Variants in MCAT observed in about 807,000 individuals in gnomAD.
MCAT encodes malonyl-CoA-acyl carrier protein transacylase, mitochondrial.
In MCAT, 22 loss-of-function variants were observed where a neutral mutation model predicts 22.9. The ratio of observed to expected loss-of-function variants is 0.96; its 90% confidence interval spans 0.69 to 1.37. The LOEUF is 1.37. Ranked by LOEUF, MCAT falls within the 40% of genes most tolerant of loss-of-function variation. The pLI is 0.00. For synonymous variants in MCAT, 240 were observed against 233.9 expected, an observed-to-expected ratio of 1.03 and a Z score of -0.24; for missense variants, 534 against 533.6, an observed-to-expected ratio of 1.00 and a Z score of -0.01.
Position 43,137,222 on chromosome 22 carries a change from G to A in MCAT, c.588C>T (p.Val196=), listed in dbSNP as rs1266730174. 6.2e-7 allele frequency: 1 copy of A among 1,614,216 alleles called. No homozygotes were observed. The highest frequency in any genetic ancestry group is 1.1e-5 in the South Asian group (1 of 91,086). ...SEAVPSGMLS[V]LGQPQSKFNF... is the part of the protein sequence containing the mutation. ...TGAACTTGGACTGAGGCTGGCCGAGGACAGACAGCATCCCACTGGGGACAG... is the reference window on the plus strand; with the variant it reads ...TGAACTTGGACTGAGGCTGGCCGAGAACAGACAGCATCCCACTGGGGACAG... Residue 196 remains valine, a synonymous_variant, in exon 3 of 4, where the codon GTC becomes GTT. Transcript: ENST00000290429.
In MCAT at chr22:43,138,395, T is replaced by C. The variant is rs1171039918; in HGVS notation, c.512-1097A>G. Among the ~76,000 whole-genome samples, 5 of 152,144 alleles carry C rather than the reference T, an allele frequency of 3.3e-5. No individual in the cohort carries two copies. The East Asian group carries it at 9.6e-4, about 29-fold the overall frequency. On this transcript the variant is annotated intron_variant, in intron 2 of 3. Coordinates refer to ENST00000290429, the MANE Select transcript of MCAT (RefSeq NM_173467.5). ...CGAAAACCTATGACTCCTGATTCAG[T>C]GTGGCTCAAGAGCATGGAGAGAGGG...
In MCAT at chr22:43,132,827, A is replaced by G; in HGVS notation, c.*216T>C. 1.8e-6 allele frequency: 1 copy of G among 567,986 alleles called. No homozygotes were observed. The highest frequency in any genetic ancestry group is 3.1e-6 in the Non-Finnish European group (1 of 318,020). 35.2% of individuals were successfully genotyped at this position (567,986 alleles called of 1,614,324 possible). The stretch of plus-strand genomic sequence containing the variant: ...CCAGCCCTGTGGCATCATTCTTCCC[A>G]ACGTCCAAACGTTTTTCCAAGGGGG... On this transcript the variant is annotated 3_prime_UTR_variant, in exon 4 of 4. Transcript: ENST00000290429.
In MCAT at chr22:43,133,305, T is replaced by C. The variant is rs976722975; in HGVS notation, c.911A>G (p.His304Arg). The C allele has an allele frequency of 6.2e-7, 1 of 1,614,234 alleles. No individual in the cohort carries two copies. The highest frequency in any genetic ancestry group is 8.5e-7 in the Non-Finnish European group (1 of 1,180,036). Residue 304 changes from histidine to arginine, a missense_variant, in exon 4 of 4, where the codon CAT (histidine) becomes CGT (arginine). His to Arg is a conservative substitution (Grantham distance 29, BLOSUM62 0). Transcript: ENST00000290429. ...GATGTGCCCGGGATGCCTGTATCTA[T>C]GCGCGTGGACGTTGGAGTAGACAGA... is the stretch of plus-strand genomic sequence containing the variant. ...LVSVYSNVHA[H>R]RYRHPGHIHK...
At chr22:43,142,774 CA>C (rs151166687) in intron 1 of MCAT, 151 bp downstream of exon 1, 899 of 679,976 alleles carry the variant, frequency 1.3e-3, no homozygotes, top group African/African-American at 3.8e-3. Flanking sequence ...GACTCCGTCT[CA>C]AAAAAAAAAA....
intron 2 of MCAT, among the ~76,000 whole-genome samples, chr22:43,138,553 A>G (rs1381265908): frequency 1.3e-5 from 2 of 152,132 alleles, no homozygotes; most frequent in Admixed American, 6.5e-5. Flanking sequence ...ACTAGACAAC[A>G]TGGTAAAACC....
chr22:43,133,118 C>A lies in MCAT; in HGVS notation c.1098G>T (p.Trp366Cys), dbSNP rs1343564057. The change falls in exon 4 of 4, where the codon TGG (tryptophan) becomes TGT (cysteine). Residue 366 changes from tryptophan (W) to cysteine (C), a missense_variant. By Grantham distance (215) the Trp-to-Cys change is radical (BLOSUM62 -2). Coordinates refer to ENST00000290429, the MANE Select transcript of MCAT (RefSeq NM_173467.5). ...GCACATCCACGGCGCTGTAGGACTT[C>A]CAGGCCTGCATGTTACAGCTCTTCA... ...AILKSCNMQA[W>C]KSYSAVDVLQ... The A allele has an allele frequency of 1.2e-6, 2 of 1,614,186 alleles. No individual in the cohort carries two copies. The highest frequency in any genetic ancestry group is 1.7e-5 in the Admixed American group (1 of 60,024).
At position 43,141,211 on chromosome 22, in the gene MCAT, C is replaced by T. The variant is rs773521526; in HGVS notation, c.462G>A (p.Val154=). 10 of 1,614,020 alleles carry T rather than the reference C, an allele frequency of 6.2e-6. No homozygotes were observed. In the South Asian group the frequency reaches 9.9e-5, roughly 16 times the overall value. The part of the protein sequence containing the change: ...ENCVAAAGFS[V]GEFAALVFAG... ...CAAACACTAGGGCTGCAAACTCTCC[C>T]ACACTGAATCCAGCAGCAGCAACAC... Residue 154 remains valine (V), a synonymous_variant, in exon 2 of 4, where the codon GTG becomes GTA. Coordinates refer to ENST00000290429, the MANE Select transcript of MCAT (RefSeq NM_173467.5).
chr22:43,135,081 A>G (rs146215331), intron 3 of MCAT, among the ~76,000 whole-genome samples: 191 of 152,352 alleles, frequency 1.3e-3, no homozygotes, highest in African/African-American at 4.5e-3. Context: ...TCCAATGGCC[A>G]GTCCTTGGCC....
intron 1 of MCAT, among the ~76,000 whole-genome samples, chr22:43,142,263 T>A (rs1930789166): frequency 6.6e-6 from 1 of 152,236 alleles, no homozygotes; most frequent in Non-Finnish European, 1.5e-5. Flanking sequence ...GTGCAGTGGC[T>A]CATACCTGTA....
intron 3 of MCAT, among the ~76,000 whole-genome samples, 172 bp from the exon 4 acceptor site, chr22:43,133,658 C>T (rs1930522200): frequency 6.6e-6 from 1 of 152,132 alleles, no homozygotes; most frequent in Non-Finnish European, 1.5e-5. Context: ...CACTTAACAT[C>T]CTGGAATCTC....
Position 43,143,398 on chromosome 22 carries a change from C to A in MCAT, c.-50G>T, listed in dbSNP as rs1261046651. The A allele has an allele frequency of 7.8e-7, 1 of 1,286,810 alleles. No homozygotes were observed. The highest frequency in any genetic ancestry group is 1.6e-5 in the African/African-American group (1 of 63,876). 79.7% of individuals were successfully genotyped at this position (1,286,810 alleles called of 1,614,324 possible). ...TACCGTGGCGACCGAGGCCCGACTG[C>A]GGCGGCGCGGCGCAGCGTGGTCCCT... On this transcript the variant is annotated 5_prime_UTR_variant, in exon 1 of 4. Coordinates refer to ENST00000290429, the MANE Select transcript of MCAT (RefSeq NM_173467.5).
In MCAT at chr22:43,133,124, C is replaced by A. The variant is rs1258799104; in HGVS notation, c.1092G>T (p.Gln364His). ...CCACGGCGCTGTAGGACTTCCAGGC[C>A]TGCATGTTACAGCTCTTCAGGATGG... is the stretch of plus-strand genomic sequence containing the variant. ...LGAILKSCNM[Q>H]AWKSYSAVDV... is the part of the protein sequence containing the mutation. Residue 364 changes from glutamine to histidine, a missense_variant, in exon 4 of 4, where the codon CAG becomes CAT. Physicochemically the swap from Gln to His is conservative, Grantham distance 24. Transcript: ENST00000290429. The A allele has an allele frequency of 6.2e-7, 1 of 1,614,206 alleles. No individual in the cohort carries two copies. The highest frequency in any genetic ancestry group is 1.7e-5 in the Admixed American group (1 of 60,028).
At chr22:43,134,515 G>C (rs1434515291) in intron 3 of MCAT, among the ~76,000 whole-genome samples, 2 of 152,124 alleles carry the variant, frequency 1.3e-5, no homozygotes, top group African/African-American at 4.8e-5. Flanking sequence ...GCCTGGCTAA[G>C]TTTTAGTAGA....
chr22:43,139,073 C>T (rs952466608), intron 2 of MCAT, among the ~76,000 whole-genome samples: 5 of 152,210 alleles, frequency 3.3e-5, no homozygotes, highest in African/African-American at 1.2e-4. Flanking sequence ...GGTTGCATCA[C>T]TGCACTCAAG....
chr22:43,134,861 G>A (rs548666040), intron 3 of MCAT, among the ~76,000 whole-genome samples: 322 of 152,280 alleles, frequency 2.1e-3, no homozygotes, highest in Non-Finnish European at 3.9e-3. Context: ...CCAGACTCTG[G>A]AGCCCAAGCC....
intron 3 of MCAT, among the ~76,000 whole-genome samples, chr22:43,135,269 G>A (rs1389336446): frequency 6.6e-6 from 1 of 152,176 alleles, no homozygotes; most frequent in African/African-American, 2.4e-5. Context: ...TTGGGAGGCC[G>A]AGGTGGGCAG....
chr22:43,138,609 C>T (rs899758005), intron 2 of MCAT, among the ~76,000 whole-genome samples: 2 of 151,992 alleles, frequency 1.3e-5, no homozygotes, highest in Non-Finnish European at 2.9e-5. Context: ...TGGCAGTGTG[C>T]GCCTGTGGTC....
chr22:43,136,046 C>A (rs369095186), intron 3 of MCAT, among the ~76,000 whole-genome samples: 1 of 152,118 alleles, frequency 6.6e-6, no homozygotes, highest in African/African-American at 2.4e-5. Context: ...AGTTCAAGAC[C>A]AGCTTGGGCA....
intron 2 of MCAT, 47 bp from the exon 3 acceptor site, chr22:43,137,345 G>T: frequency 1.3e-6 from 2 of 1,528,680 alleles, no homozygotes; most frequent in East Asian, 2.3e-5. Context: ...ACAGAATGAA[G>T]GAGAAAAGGC....
Sources: allele counts gnomAD v4.1 joint callset (sites outside exome capture counted in the v4.1 genomes callset), GRCh38; gene constraint gnomAD v4.1.1; transcripts MANE v1.5; gene names NCBI Gene and HGNC (gene_info 2026-07-23, HGNC 2026-07-21).